Variants in STK33 observed in about 807,000 individuals in gnomAD.
STK33 encodes serine/threonine kinase 33.
A neutral mutation model predicts 58.0 loss-of-function variants in STK33; 52 were observed. The ratio of observed to expected loss-of-function variants is 0.90; its 90% confidence interval spans 0.72 to 1.13. STK33 has a LOEUF of 1.13. Among genes scored for constraint, STK33 ranks in the 50% most tolerant of loss-of-function variants. STK33 has a pLI of 0.00. For synonymous variants in STK33, 215 were observed against 200.1 expected, an observed-to-expected ratio of 1.07 and a Z score of -0.63; for missense variants, 630 against 604.2, an observed-to-expected ratio of 1.04 and a Z score of -0.45.
intron 11 of STK33, among the ~76,000 whole-genome samples, chr11:8,447,141 G>A (rs1945584924): frequency 1.3e-5 from 2 of 151,738 alleles, no homozygotes; most frequent in East Asian, 1.9e-4. Context: ...CCATCAAAAC[G>A]TGGGCAAAGG....
the STK33 span, among the ~76,000 whole-genome samples, chr11:8,385,582 T>C: frequency 6.6e-6 from 1 of 152,158 alleles, no homozygotes; most frequent in East Asian, 1.9e-4. Flanking sequence ...CTAATCACAA[T>C]ATATAATTAT....
intron 14 of STK33, among the ~76,000 whole-genome samples, chr11:8,422,385 T>C (rs1334345580): frequency 6.6e-6 from 1 of 152,190 alleles, no homozygotes; most frequent in Non-Finnish European, 1.5e-5. Context: ...AGGTTTTATA[T>C]CTATATTAGT....
At position 8,413,455 on chromosome 11, in the gene STK33, A is replaced by G. The variant is rs755361423; in HGVS notation, c.1344+40T>C. 13 of 1,606,890 alleles carry G rather than the reference A, an allele frequency of 8.1e-6. No homozygotes were observed. The South Asian group carries it at 1.4e-4, about 18-fold the overall frequency. ...AAAATGTTCCAGGTGTGGTGAGGGTATTTTACACTTGGGAGAAATGCAGCA... is the reference window on the plus strand; with the variant it reads ...AAAATGTTCCAGGTGTGGTGAGGGTGTTTTACACTTGGGAGAAATGCAGCA... On this transcript the variant is annotated intron_variant, in intron 15 of 15. Coordinates refer to ENST00000687296, the MANE Select transcript of STK33 (RefSeq NM_001352389.2).
At chr11:8,512,785 G>A (rs1952444024) in intron 1 of STK33, among the ~76,000 whole-genome samples, 1 of 152,138 alleles carries the variant, frequency 6.6e-6, no homozygotes, top group African/African-American at 2.4e-5. Context: ...TGCTAGGGAA[G>A]TGACAAACTA....
intron 1 of STK33, among the ~76,000 whole-genome samples, chr11:8,518,037 T>G (rs1301061087): frequency 6.6e-6 from 1 of 152,062 alleles, no homozygotes; most frequent in Admixed American, 6.6e-5. Flanking sequence ...GACACATAAT[T>G]GTCAGATTCA....
chr11:8,441,081 A>G (rs979793907), intron 11 of STK33, among the ~76,000 whole-genome samples: 4 of 152,202 alleles, frequency 2.6e-5, no homozygotes, highest in Admixed American at 1.3e-4. Flanking sequence ...AGCCCTTTCC[A>G]CAAAATAGAA....
intron 1 of STK33, among the ~76,000 whole-genome samples, chr11:8,534,792 T>C (rs1954864575): frequency 6.6e-6 from 1 of 152,090 alleles, no homozygotes; most frequent in Non-Finnish European, 1.5e-5. Context: ...TTGTTATAAT[T>C]AGAGAACTGC....
chr11:8,392,172 T>C lies in STK33; in HGVS notation c.*338A>G, dbSNP rs542526241. 51 of 278,112 alleles carry C rather than the reference T, an allele frequency of 1.8e-4. No individual in the cohort carries two copies. Among genetic ancestry groups the C allele is most frequent in the South Asian group, 7.7e-4 (11 of 14,258 alleles). 17.2% of individuals were successfully genotyped at this position (278,112 alleles called of 1,614,324 possible). On this transcript the variant is annotated 3_prime_UTR_variant, in exon 16 of 16. Coordinates refer to ENST00000687296, the MANE Select transcript of STK33 (RefSeq NM_001352389.2). ...GTTTTCCCCTATAAATAGCTGTGCCTAAACATAAGAATTTGAAGTAAAAAT... is the reference window on the plus strand; with the variant it reads ...GTTTTCCCCTATAAATAGCTGTGCCCAAACATAAGAATTTGAAGTAAAAAT...
intron 1 of STK33, among the ~76,000 whole-genome samples, chr11:8,585,385 C>G (rs954634207): frequency 6.6e-6 from 1 of 150,792 alleles, no homozygotes; most frequent in African/African-American, 2.4e-5. Context: ...CTACTACACC[C>G]GGCTAATTTT....
chr11:8,401,451 C>T (rs1175368093), intron 15 of STK33, among the ~76,000 whole-genome samples: 1 of 152,120 alleles, frequency 6.6e-6, no homozygotes, highest in African/African-American at 2.4e-5. Context: ...TTCCTTACAC[C>T]TCATATAAAA....
At chr11:8,411,576 A>T (rs187341628) in intron 15 of STK33, among the ~76,000 whole-genome samples, 1 of 152,186 alleles carries the variant, frequency 6.6e-6, no homozygotes, top group Non-Finnish European at 1.5e-5. Flanking sequence ...TCCCAAACCT[A>T]AGCATGGGAA....
chr11:8,388,077 T>C (rs374847539), downstream of STK33, among the ~76,000 whole-genome samples: 1 of 152,170 alleles, frequency 6.6e-6, no homozygotes, highest in Non-Finnish European at 1.5e-5. Flanking sequence ...GCGTCTCTAG[T>C]CCCATTCTCT....
chr11:8,461,262 G>A (rs1045413608), intron 8 of STK33, among the ~76,000 whole-genome samples: 3 of 152,186 alleles, frequency 2.0e-5, no homozygotes, highest in Non-Finnish European at 1.5e-5. Flanking sequence ...TCTGGAGGCA[G>A]AATGGCAAAT....
intron 1 of STK33, among the ~76,000 whole-genome samples, chr11:8,551,200 G>A (rs1264926639): frequency 6.6e-6 from 1 of 151,988 alleles, no homozygotes; most frequent in African/African-American, 2.4e-5. Context: ...CACAATCTTG[G>A]CTCACTGCAA....
rs756509438 is a variant in STK33 at position 8,413,657 on chromosome 11, T to C, written c.1182A>G (p.Val394=). ...TTTTCCATTCCTTCATCATCTCTAA[T>C]ACATTGGTTGGTCTCACCGAAGAAA... The part of the protein sequence containing the change: ...NKLSSVRPTN[V]LEMMKEWKNN... The change falls in exon 15 of 16, where the codon GTA becomes GTG. Residue 394 remains valine (V), a synonymous_variant. Transcript: ENST00000687296. 8.7e-6 allele frequency: 14 copies of C among 1,613,858 alleles called. No individual in the cohort carries two copies. The highest frequency in any genetic ancestry group is 3.3e-5 in the South Asian group (3 of 91,072).
intron 11 of STK33, among the ~76,000 whole-genome samples, chr11:8,441,979 G>A (rs541197491): frequency 5.9e-5 from 9 of 151,420 alleles, no homozygotes; most frequent in East Asian, 3.9e-4. Context: ...CAAAAGGTGC[G>A]TTTTTATTTT....
At chr11:8,427,919 C>T (rs565179683) in intron 14 of STK33, among the ~76,000 whole-genome samples, 2 of 152,304 alleles carry the variant, frequency 1.3e-5, no homozygotes, top group East Asian at 1.9e-4. Flanking sequence ...TGAAACTTGG[C>T]CCCTAAGCTC....
intron 15 of STK33, among the ~76,000 whole-genome samples, chr11:8,405,868 C>T (rs1011949797): frequency 2.6e-5 from 4 of 151,970 alleles, no homozygotes; most frequent in Non-Finnish European, 5.9e-5. Flanking sequence ...CTGGGCCGGG[C>T]GCGGTGGCTC....
intron 1 of STK33, among the ~76,000 whole-genome samples, chr11:8,584,782 T>A (rs1205769777): frequency 6.6e-6 from 1 of 151,792 alleles, no homozygotes; most frequent in Non-Finnish European, 1.5e-5. Context: ...CAGAGGGAGC[T>A]CTCCATGAAG....
Sources: allele counts gnomAD v4.1 joint callset (sites outside exome capture counted in the v4.1 genomes callset), GRCh38; gene constraint gnomAD v4.1.1; transcripts MANE v1.5; gene names NCBI Gene and HGNC (gene_info 2026-07-23, HGNC 2026-07-21).